Variants in ELMO1 observed in about 807,000 individuals in gnomAD.
The protein encoded by ELMO1 is engulfment and cell motility 1.
A neutral mutation model predicts 98.9 loss-of-function variants in ELMO1; 26 were observed. That is an observed-to-expected ratio of 0.26 (90% CI 0.19 to 0.36). The LOEUF is 0.36. ELMO1 is among the 10% of genes least tolerant of loss of function. The pLI is 1.00. For missense variants in ELMO1, 627 were observed against 935.2 expected (o/e 0.67, Z 4.30); for synonymous variants, 346 against 346.0 (o/e 1.00, Z 0.00).
intron 16 of ELMO1, among the ~76,000 whole-genome samples, chr7:36,992,354 C>A (rs1453214242): frequency 6.6e-6 from 1 of 152,192 alleles, no homozygotes; most frequent in Non-Finnish European, 1.5e-5. Flanking sequence ...GCCTGAAGAA[C>A]AAGGGCCAAC....
intron 16 of ELMO1, among the ~76,000 whole-genome samples, chr7:36,976,124 G>A (rs988444593): frequency 6.6e-6 from 1 of 152,144 alleles, no homozygotes; most frequent in Non-Finnish European, 1.5e-5. Context: ...ACACTACACA[G>A]AAAAATGGGC....
intron 8 of ELMO1, 61 bp from the exon 9 acceptor site, chr7:37,225,091 A>G (rs1434515957): frequency 1.3e-6 from 2 of 1,598,030 alleles, no homozygotes; most frequent in African/African-American, 1.3e-5. Context: ...GACGTGGAGA[A>G]GGGAACAAAT....
intron 4 of ELMO1, among the ~76,000 whole-genome samples, chr7:37,303,850 T>C (rs752417419): frequency 2.0e-5 from 3 of 152,232 alleles, no homozygotes; most frequent in Non-Finnish European, 4.4e-5. Context: ...TTACCAAGCA[T>C]AAGCTAGGGA....
chr7:37,217,984 T>C (rs1793391052), intron 10 of ELMO1, among the ~76,000 whole-genome samples: 2 of 152,160 alleles, frequency 1.3e-5, no homozygotes, highest in African/African-American at 4.8e-5. Flanking sequence ...GCAGGAGCAA[T>C]GACGCATTGA....
chr7:37,134,829 C>T (rs754916571), intron 13 of ELMO1, among the ~76,000 whole-genome samples: 5 of 152,192 alleles, frequency 3.3e-5, no homozygotes, highest in Non-Finnish European at 7.3e-5. Context: ...TCAAATGTCA[C>T]ATATTCTCAC....
intron 4 of ELMO1, among the ~76,000 whole-genome samples, chr7:37,281,276 G>A (rs889095483): frequency 2.6e-5 from 4 of 152,062 alleles, no homozygotes; most frequent in Non-Finnish European, 5.9e-5. Context: ...CAAATATGGT[G>A]CAGTGTATAC....
At position 37,285,210 on chromosome 7, in the gene ELMO1, A is replaced by T. The variant is rs186413376; in HGVS notation, c.193-13328T>A. On this transcript the variant is annotated intron_variant, in intron 4 of 21. Coordinates refer to ENST00000310758, the MANE Select transcript of ELMO1 (RefSeq NM_014800.11). ...CGAGCAATGCCCGCTCTTGGTCTTT[A>T]GTTCCTCAACTGCCCACTCTTCCTC... Among the ~76,000 whole-genome samples the T allele has an allele frequency of 4.4e-3, 663 of 152,300 alleles. 5 individuals carry two copies. The highest frequency in any genetic ancestry group is 0.015 in the African/African-American group (605 of 41,560).
At chr7:36,883,933 G>T (rs1407729264) in intron 18 of ELMO1, among the ~76,000 whole-genome samples, 1 of 152,182 alleles carries the variant, frequency 6.6e-6, no homozygotes, top group East Asian at 1.9e-4. Flanking sequence ...TGCGACCAGA[G>T]CTTATACTTC....
chr7:37,286,817 T>C (rs554382076), intron 4 of ELMO1, among the ~76,000 whole-genome samples: 1 of 152,336 alleles, frequency 6.6e-6, no homozygotes. Context: ...AGTCTATGGA[T>C]CTTCTTTTCA....
chr7:37,164,022 T>C (rs1257917920), intron 13 of ELMO1, among the ~76,000 whole-genome samples: 2 of 152,238 alleles, frequency 1.3e-5, no homozygotes, highest in African/African-American at 4.8e-5. Flanking sequence ...TTTTTAATGA[T>C]TGCCATTCTA....
intron 16 of ELMO1, among the ~76,000 whole-genome samples, chr7:36,978,706 C>T (rs1407590025): frequency 6.6e-6 from 1 of 152,204 alleles, no homozygotes; most frequent in Non-Finnish European, 1.5e-5. Context: ...CCAGGCATCT[C>T]CCTAGAAGCA....
intron 14 of ELMO1, among the ~76,000 whole-genome samples, chr7:37,117,614 C>T (rs1038598027): frequency 5.3e-5 from 8 of 152,088 alleles, no homozygotes; most frequent in African/African-American, 1.7e-4. Context: ...CAAGGGGTCC[C>T]GATTGTTTGG....
At chr7:37,318,638 A>C (rs1422654046) in intron 2 of ELMO1, among the ~76,000 whole-genome samples, 1 of 152,218 alleles carries the variant, frequency 6.6e-6, no homozygotes, top group Non-Finnish European at 1.5e-5. Context: ...AAGCTTAGAG[A>C]CTTAACAGAC....
chr7:36,968,428 C>A (rs1424571896), intron 16 of ELMO1, among the ~76,000 whole-genome samples: 1 of 152,166 alleles, frequency 6.6e-6, no homozygotes, highest in Non-Finnish European at 1.5e-5. Flanking sequence ...GCTTTATGAG[C>A]AATGTATATA....
intron 13 of ELMO1, among the ~76,000 whole-genome samples, chr7:37,161,937 T>C (rs1789246368): frequency 9.0e-6 from 1 of 111,714 alleles, no homozygotes; most frequent in African/African-American, 3.0e-5. Flanking sequence ...TATATATATG[T>C]TAAGCGTGAT....
intron 13 of ELMO1, among the ~76,000 whole-genome samples, chr7:37,148,256 G>C (rs1003104254): frequency 4.6e-5 from 7 of 152,180 alleles, no homozygotes; most frequent in African/African-American, 1.7e-4. Flanking sequence ...TTCTATTTCA[G>C]AAGTGAGTTA....
At chr7:37,015,902 A>G (rs949985583) in intron 15 of ELMO1, among the ~76,000 whole-genome samples, 3 of 152,204 alleles carry the variant, frequency 2.0e-5, no homozygotes, top group African/African-American at 7.2e-5. Flanking sequence ...ACTAGCAGAG[A>G]GATGGCAAAT....
chr7:36,986,656 C>T (rs1230773150), intron 16 of ELMO1: 3 of 152,148 alleles, frequency 2.0e-5, no homozygotes, highest in African/African-American at 7.2e-5. Context: ...CTCATCTCTT[C>T]CCCTCTCTCT....
chr7:37,101,108 C>T (rs1210596587), intron 14 of ELMO1, among the ~76,000 whole-genome samples: 1 of 152,226 alleles, frequency 6.6e-6, no homozygotes, highest in East Asian at 1.9e-4. Flanking sequence ...AAAATCATGA[C>T]TGCAGTGAGA....
Sources: gnomAD v4.1 joint callset for allele counts (sites outside exome capture counted in the v4.1 genomes callset) on GRCh38, gnomAD v4.1.1 for gene constraint, MANE v1.5 for transcripts, NCBI Gene and HGNC (gene_info 2026-07-23, HGNC 2026-07-21) for gene names.